PLEKHF2: variants seen among roughly 807,000 people sequenced by gnomAD.
PLEKHF2 encodes the protein pleckstrin homology domain-containing family F member 2.
Under a neutral mutation model 14.7 loss-of-function variants are expected in PLEKHF2, and 4 were observed. That is an observed-to-expected ratio of 0.27 (90% CI 0.13 to 0.62). PLEKHF2 has a LOEUF of 0.62. PLEKHF2 is among the 20% of genes least tolerant of loss of function. PLEKHF2 has a pLI of 0.85. For synonymous variants in PLEKHF2, 90 were observed against 103.5 expected, an observed-to-expected ratio of 0.87 and a Z score of 0.79; for missense variants, 201 against 307.7, an observed-to-expected ratio of 0.65 and a Z score of 2.60.
intron 1 of PLEKHF2, among the ~76,000 whole-genome samples, chr8:95,151,756 A>G (rs1810567666): frequency 6.6e-6 from 1 of 152,044 alleles, no homozygotes; most frequent in Admixed American, 6.6e-5. Flanking sequence ...TCCTGCACCT[A>G]GATCCTAAGT....
intron 1 of PLEKHF2, among the ~76,000 whole-genome samples, chr8:95,146,207 T>C (rs985386924): frequency 4.0e-5 from 6 of 148,640 alleles, no homozygotes; most frequent in African/African-American, 1.5e-4. Context: ...TATTTATGTT[T>C]TCTTCTTTAA....
Position 95,155,353 on chromosome 8 carries a change from C to T in PLEKHF2, c.*559C>T, listed in dbSNP as rs1377381573. On this transcript the variant is annotated 3_prime_UTR_variant, in exon 2 of 2. Coordinates refer to ENST00000315367, the MANE Select transcript of PLEKHF2 (RefSeq NM_024613.4). ...TACTTTCTGGTTTGTTGAAAAAATA[C>T]ACTGGTGCTCTTTGAAGTGATAAAA... 6.0e-6 allele frequency: 1 copy of T among 167,912 alleles called. No individual in the cohort carries two copies. Among genetic ancestry groups the T allele is most frequent in the African/African-American group, 2.4e-5 (1 of 41,438 alleles). The allele number at this position is 167,912 out of a possible 1,614,324, so 10.4% of individuals were successfully genotyped here.
intron 1 of PLEKHF2, among the ~76,000 whole-genome samples, chr8:95,135,339 C>A (rs13280952): frequency 0.13 from 20,222 of 152,160 alleles, 1,615 homozygotes; most frequent in Non-Finnish European, 0.17. Flanking sequence ...CTTTTTAGAT[C>A]TAAAAATACA....
intron 1 of PLEKHF2, among the ~76,000 whole-genome samples, chr8:95,144,202 T>C (rs1486195714): frequency 6.6e-6 from 1 of 152,184 alleles, no homozygotes; most frequent in African/African-American, 2.4e-5. Context: ...AAGTCTATAT[T>C]TGTTCCCTCT....
intron 1 of PLEKHF2, among the ~76,000 whole-genome samples, chr8:95,152,283 T>C (rs1384441284): frequency 1.3e-5 from 2 of 152,084 alleles, no homozygotes; most frequent in African/African-American, 4.8e-5. Flanking sequence ...TTTCCAATTG[T>C]TTTCCTGTTA....
rs1810621106 is a variant in PLEKHF2, at chr8:95,156,462, GGTTT to G, written c.*1673_*1676del. On this transcript the variant is annotated 3_prime_UTR_variant, in exon 2 of 2. Transcript: ENST00000315367. ...TTTGCTTGCTTTTATGATTTTTTTTGGTTTGTTTTAATATCAGGTGGATTTTTGT... is the reference window on the plus strand; with the variant it reads ...TTTGCTTGCTTTTATGATTTTTTTTGGTTTTAATATCAGGTGGATTTTTGT... The G allele has an allele frequency of 6.0e-6, 1 of 166,418 alleles. No individual in the cohort carries two copies. 10.3% of individuals were successfully genotyped at this position (166,418 alleles called of 1,614,324 possible). A position where few individuals can be genotyped will look rare whatever the true frequency, so the allele number is the denominator to read the frequency against.
chr8:95,146,940 A>AAT (rs1284297196), intron 1 of PLEKHF2, among the ~76,000 whole-genome samples: 1 of 152,114 alleles, frequency 6.6e-6, no homozygotes, highest in Admixed American at 6.5e-5. Context: ...CATACTGTAA[A>AAT]AAAGAGCTTA....
At chr8:95,145,638 A>C (rs1027667200) in intron 1 of PLEKHF2, among the ~76,000 whole-genome samples, 3 of 151,972 alleles carry the variant, frequency 2.0e-5, no homozygotes, top group Admixed American at 6.6e-5. Flanking sequence ...GTTAGCCAGG[A>C]TGGTCTCGAT....
intron 1 of PLEKHF2, among the ~76,000 whole-genome samples, chr8:95,136,315 A>G (rs1810375061): frequency 1.4e-5 from 2 of 145,924 alleles, no homozygotes; most frequent in Non-Finnish European, 3.0e-5. Context: ...AAATCCACAG[A>G]TTGGTTTTTA....
intron 1 of PLEKHF2, among the ~76,000 whole-genome samples, chr8:95,141,162 C>T (rs1237640051): frequency 6.6e-6 from 1 of 152,084 alleles, no homozygotes; most frequent in African/African-American, 2.4e-5. Flanking sequence ...GTTTTATTTG[C>T]TTTTGAATTA....
At chr8:95,141,705 G>GTTTTTTT (rs111907566) in intron 1 of PLEKHF2, among the ~76,000 whole-genome samples, 2 of 131,658 alleles carry the variant, frequency 1.5e-5, no homozygotes, top group Non-Finnish European at 1.7e-5. Context: ...TTTGTGTTTT[G>GTTTTTTT]TTTTTTTTTT....
At chr8:95,142,417 G>T (rs1324801818) in intron 1 of PLEKHF2, among the ~76,000 whole-genome samples, 1 of 152,024 alleles carries the variant, frequency 6.6e-6, no homozygotes, top group South Asian at 2.1e-4. Flanking sequence ...GCCACACCTG[G>T]CTAATTTATG....
intron 1 of PLEKHF2, among the ~76,000 whole-genome samples, chr8:95,144,929 T>C (rs1406732701): frequency 2.0e-5 from 3 of 151,846 alleles, no homozygotes; most frequent in African/African-American, 7.3e-5. Context: ...TGATAATTGC[T>C]TAGTTAGTTC....
At chr8:95,138,009 G>A (rs1160559779) in intron 1 of PLEKHF2, among the ~76,000 whole-genome samples, 1 of 152,122 alleles carries the variant, frequency 6.6e-6, no homozygotes, top group Non-Finnish European at 1.5e-5. Flanking sequence ...TGTAGTTCAT[G>A]TTCTAACCAT....
chr8:95,148,964 A>G (rs1810530382), intron 1 of PLEKHF2, among the ~76,000 whole-genome samples: 1 of 152,084 alleles, frequency 6.6e-6, no homozygotes, highest in African/African-American at 2.4e-5. Context: ...CTGCTTAAGA[A>G]GTACAACTGA....
intron 1 of PLEKHF2, among the ~76,000 whole-genome samples, chr8:95,140,595 G>A (rs1486128879): frequency 6.6e-6 from 1 of 152,038 alleles, no homozygotes; most frequent in Non-Finnish European, 1.5e-5. Context: ...TCTGGCCTAG[G>A]CTCCATTATT....
chr8:95,143,093 C>CTTTTTTTTTTTTTTTTTTTTTTTT (rs35086823), intron 1 of PLEKHF2, among the ~76,000 whole-genome samples: 1 of 141,042 alleles, frequency 7.1e-6, no homozygotes. Context: ...AGGAAATAAT[C>CTTTTTTTTTTTTTTTTTTTTTTTT]TTTTTTTTTT....
Position 95,154,148 on chromosome 8 carries a change from T to C in PLEKHF2, c.104T>C (p.Val35Ala), listed in dbSNP as rs1478714747. 6.2e-7 allele frequency: 1 copy of C among 1,613,764 alleles called. No individual in the cohort carries two copies. The highest frequency in any genetic ancestry group is 1.3e-5 in the African/African-American group (1 of 74,840). ...AGQPLTIPGRVLIGEGVLTKL... is the reference protein window; with the variant it reads ...AGQPLTIPGRALIGEGVLTKL... Reference sequence around the variant, plus strand: ...CAACCTTTAACTATACCTGGACGAGTTCTTATTGGAGAAGGAGTATTGACT... The same window carrying C: ...CAACCTTTAACTATACCTGGACGAGCTCTTATTGGAGAAGGAGTATTGACT... The change falls in exon 2 of 2, where the codon GTT becomes GCT. Residue 35 changes from valine to alanine, a missense_variant. Physicochemically the swap from Val to Ala is moderately conservative, Grantham distance 64. Coordinates refer to ENST00000315367, the MANE Select transcript of PLEKHF2 (RefSeq NM_024613.4). The surrounding 1 kb of genome is among the most constrained non-coding windows in gnomAD (Gnocchi z 5.6).
At chr8:95,141,365 G>T (rs908627940) in intron 1 of PLEKHF2, among the ~76,000 whole-genome samples, 1 of 151,846 alleles carries the variant, frequency 6.6e-6, no homozygotes, top group African/African-American at 2.4e-5. Flanking sequence ...TTTATCTTTC[G>T]TTGTTTCTAT....
Sources: allele counts gnomAD v4.1 joint callset (sites outside exome capture counted in the v4.1 genomes callset), GRCh38; gene constraint gnomAD v4.1.1; non-coding constraint Gnocchi (gnomAD v3.1); transcripts MANE v1.5; gene names NCBI Gene and HGNC (gene_info 2026-07-23, HGNC 2026-07-21).